The following ARHGEF1 variants were observed in gnomAD, a reference collection of about 807,000 sequenced individuals.
ARHGEF1 encodes the protein Rho guanine nucleotide exchange factor 1.
Under a neutral mutation model 119.7 loss-of-function variants are expected in ARHGEF1, and 40 were observed. The ratio of observed to expected loss-of-function variants is 0.33; its 90% CI spans 0.26 to 0.44. ARHGEF1 has a LOEUF of 0.44. Among genes scored for constraint, ARHGEF1 ranks in the 20% least tolerant of loss-of-function variants. The pLI is 1.00. For missense variants in ARHGEF1, 976 were observed against 1,268.3 expected, an observed-to-expected ratio of 0.77 and a Z score of 3.50; for synonymous variants, 494 against 521.0, an observed-to-expected ratio of 0.95 and a Z score of 0.71.
rs546618449 is a variant in ARHGEF1 at position 41,916,852 on chromosome 19, C to A, written c.1866-6240C>A. ...ACCCAAACATACGACCGACAGCGGC[C>A]CCTGCAGAGGTACACACAGACACAC... On this transcript the variant is annotated intron_variant, in intron 18 of 20. Transcript: ENST00000599589. This position sits in a 1 kb window ranked among gnomAD's most constrained non-coding sequence, Gnocchi z 5.4. 2.0e-5 allele frequency among the ~76,000 whole-genome samples: 3 copies of A among 151,968 alleles called. No individual in the cohort carries two copies. The highest frequency in any genetic ancestry group is 6.5e-5 in the Admixed American group (1 of 15,276).
chr19:41,905,042 G>A lies in ARHGEF1; in HGVS notation c.2249+6G>A, dbSNP rs1555849830. 1 of 1,614,084 alleles carries A rather than the reference G, an allele frequency of 6.2e-7. No individual in the cohort carries two copies. Among genetic ancestry groups the A allele is most frequent in the Non-Finnish European group, 8.5e-7 (1 of 1,179,922 alleles). ...ACTGTGTCGGAGCGGAAAAAGTGAG[G>A]GGGGGTCTGAGTTCTGAGTGTGGGT... On this transcript the variant is annotated splice_donor_region_variant and intron_variant, in intron 23 of 28. Coordinates refer to ENST00000354532, the MANE Select transcript of ARHGEF1 (RefSeq NM_004706.4). This position sits in a 1 kb window ranked among gnomAD's most constrained non-coding sequence, Gnocchi z 6.4.
chr19:41,898,554 A>C lies in ARHGEF1; in HGVS notation c.1234A>C (p.Lys412Gln). 6.3e-7 allele frequency: 1 copy of C among 1,578,984 alleles called. No homozygotes were observed. The highest frequency in any genetic ancestry group is 8.6e-7 in the Non-Finnish European group (1 of 1,162,802). Reference sequence around the variant, plus strand: ...CCCAGACACCCTGCACAGCCTGCCCAAGAGCCAGGTGAAGCGGCAGGAGGT... The same window carrying C: ...CCCAGACACCCTGCACAGCCTGCCCCAGAGCCAGGTGAAGCGGCAGGAGGT... ...VPPDTLHSLPKSQVKRQEVIS... is the reference protein window; with the variant it reads ...VPPDTLHSLPQSQVKRQEVIS... Residue 412 changes from lysine to glutamine, a missense_variant, in exon 14 of 29, where the codon AAG (lysine) becomes CAG (glutamine). Coordinates refer to ENST00000354532, the MANE Select transcript of ARHGEF1 (RefSeq NM_004706.4).
At chr19:41,914,324 C>T (rs1555851568) in intron 18 of ARHGEF1, among the ~76,000 whole-genome samples, 2 of 151,444 alleles carry the variant, frequency 1.3e-5, no homozygotes, top group Admixed American at 6.6e-5. Context: ...TCCGTCTCCC[C>T]CCACCATCTC....
chr19:41,899,638 T>C (rs2074567881), intron 14 of ARHGEF1, among the ~76,000 whole-genome samples: 1 of 151,162 alleles, frequency 6.6e-6, no homozygotes, highest in South Asian at 2.1e-4. Context: ...GCCTCCTGAG[T>C]AGCTGGGATT....
At chr19:41,907,886 G>A (rs894747406), downstream of ARHGEF1, 3 of 221,524 alleles carry the variant, frequency 1.4e-5, no homozygotes, top group Non-Finnish European at 2.4e-5. Context: ...CCAGCACAGG[G>A]GGTTTGGAGA....
upstream of ARHGEF1, among the ~76,000 whole-genome samples, chr19:41,919,306 AG>A (rs2074823524): frequency 6.6e-6 from 1 of 152,188 alleles, no homozygotes; most frequent in Non-Finnish European, 1.5e-5. Flanking sequence ...CTTCGGCACA[AG>A]TTCACAGAAG....
At chr19:41,908,168 A>C, downstream of ARHGEF1, 2 of 1,210,766 alleles carry the variant, frequency 1.7e-6, no homozygotes, top group Non-Finnish European at 2.1e-6. This position sits in a 1 kb window ranked among gnomAD's most constrained non-coding sequence, Gnocchi z 6.7. Context: ...CCAGGCATCA[A>C]GGGCAGACGG....
At chr19:41,901,645 G>T (rs938548230) in intron 14 of ARHGEF1, among the ~76,000 whole-genome samples, 3 of 152,056 alleles carry the variant, frequency 2.0e-5, no homozygotes, top group Admixed American at 2.0e-4. Context: ...TAGAAACAGG[G>T]TTTCACCATG....
chr19:41,884,336 C>T (rs2123334967), intron 1 of ARHGEF1: 2 of 1,348,642 alleles, frequency 1.5e-6, no homozygotes, highest in South Asian at 1.3e-5. Flanking sequence ...CCGGCAGGAG[C>T]CGGGCTAGAG....
chr19:41,888,019 C>T lies in ARHGEF1; in HGVS notation c.-19-45C>T, dbSNP rs376219500. On this transcript the variant is annotated intron_variant, in intron 1 of 28. Coordinates refer to ENST00000354532, the MANE Select transcript of ARHGEF1 (RefSeq NM_004706.4). This position sits in a 1 kb window ranked among gnomAD's most constrained non-coding sequence, Gnocchi z 5.1. ...GAATCTGTGAGTAACCACCCTGGGC[C>T]GCCTCCTCCCACCCTCCTAACCACA... The T allele has an allele frequency of 2.6e-5, 41 of 1,591,732 alleles. No homozygotes were observed. The highest frequency in any genetic ancestry group is 1.8e-4 in the South Asian group (16 of 88,598).
At position 41,892,924 on chromosome 19, in the gene ARHGEF1, C is replaced by T. The variant is rs2074400845; in HGVS notation, c.614+75C>T. On this transcript the variant is annotated intron_variant, in intron 7 of 28. Transcript: ENST00000354532. The surrounding 1 kb of genome is among the most constrained non-coding windows in gnomAD (Gnocchi z 6.3). ...CACCCGTGCTACCTCTGGCATGTTC[C>T]ATCCCGTTTGCAGGTTCCCTCTTCA... 3 of 1,431,468 alleles carry T rather than the reference C, an allele frequency of 2.1e-6. No homozygotes were observed. The highest frequency in any genetic ancestry group is 2.7e-6 in the Non-Finnish European group (3 of 1,094,946). The allele number at this position is 1,431,468 out of a possible 1,614,324, so 88.7% of individuals were successfully genotyped here.
In ARHGEF1 at chr19:41,917,512, C is replaced by G. The variant is rs1372647668; in HGVS notation, c.1866-5580C>G. Among the ~76,000 whole-genome samples, 1 of 150,668 alleles carries G rather than the reference C, an allele frequency of 6.6e-6. No individual in the cohort carries two copies. Among genetic ancestry groups the G allele is most frequent in the Non-Finnish European group, 1.5e-5 (1 of 67,706 alleles). On this transcript the variant is annotated intron_variant, in intron 18 of 20. Coordinates refer to the ARHGEF1 transcript ENST00000599589. The surrounding 1 kb of genome is among the most constrained non-coding windows in gnomAD (Gnocchi z 4.8). The stretch of plus-strand genomic sequence containing the variant: ...CCACCTCCCCTTAACACAATCTGCA[C>G]AATCGGAATGAAAATTGATTTTTTT...
chr19:41,902,948 C>G lies in ARHGEF1; in HGVS notation c.1738+50C>G. The G allele has an allele frequency of 7.1e-7, 1 of 1,404,412 alleles. No homozygotes were observed. The highest frequency in any genetic ancestry group is 2.4e-4 in the Middle Eastern group (1 of 4,198). The allele number at this position is 1,404,412 out of a possible 1,614,324, so 87.0% of individuals were successfully genotyped here. ...CCTCGGCTCTCCTCTTTTTTTTTTA[C>G]ATTTTTTTTCTCACTCATTTTCATC... On this transcript the variant is annotated intron_variant, in intron 18 of 28. Coordinates refer to ENST00000354532, the MANE Select transcript of ARHGEF1 (RefSeq NM_004706.4). The surrounding 1 kb of genome is among the most constrained non-coding windows in gnomAD (Gnocchi z 6.5).
chr19:41,884,595 C>A, intron 1 of ARHGEF1: 1 of 1,459,184 alleles, frequency 6.9e-7, no homozygotes. Context: ...GGATTTAGGG[C>A]CCGCGTAAGA....
chr19:41,901,512 G>A (rs112626314), intron 14 of ARHGEF1, among the ~76,000 whole-genome samples: 3 of 152,256 alleles, frequency 2.0e-5, no homozygotes, highest in African/African-American at 7.2e-5. Context: ...TGCCATCATA[G>A]CTCACTGCAG....
chr19:41,922,735 G>C (rs187817760), upstream of ARHGEF1, among the ~76,000 whole-genome samples: 25 of 152,282 alleles, frequency 1.6e-4, no homozygotes, highest in East Asian at 4.1e-3. Context: ...CAGCCGGGCT[G>C]GGGGGGACTC....
In ARHGEF1 at chr19:41,888,041, C is replaced by A; in HGVS notation, c.-19-23C>A. The A allele has an allele frequency of 6.2e-7, 1 of 1,610,546 alleles. No individual in the cohort carries two copies. Among genetic ancestry groups the A allele is most frequent in the East Asian group, 2.2e-5 (1 of 44,886 alleles). ...GGCCGCCTCCTCCCACCCTCCTAAC[C>A]ACAGCCCCTCCTCTTCCTCCAGCCC... On this transcript the variant is annotated intron_variant, in intron 1 of 28. Transcript: ENST00000354532. This position sits in a 1 kb window ranked among gnomAD's most constrained non-coding sequence, Gnocchi z 5.1.
chr19:41,891,592 C>T (rs1164701643), intron 4 of ARHGEF1, among the ~76,000 whole-genome samples: 4 of 152,130 alleles, frequency 2.6e-5, no homozygotes, highest in Admixed American at 6.5e-5. Context: ...CCTAGTTGTG[C>T]GACTAAGCTT....
In ARHGEF1 at chr19:41,906,312, T is replaced by G; in HGVS notation, c.2492-145T>G. The G allele has an allele frequency of 2.4e-6, 2 of 828,886 alleles. No individual in the cohort carries two copies. Among genetic ancestry groups the G allele is most frequent in the African/African-American group, 3.5e-5 (2 of 57,786 alleles). The allele number at this position is 828,886 out of a possible 1,614,324, so 51.3% of individuals were successfully genotyped here. On this transcript the variant is annotated intron_variant, in intron 26 of 28. Transcript: ENST00000354532. This position sits in a 1 kb window ranked among gnomAD's most constrained non-coding sequence, Gnocchi z 4.5. ...CCCAGCCTCACTTCTTCACCTCCCT[T>G]TGGATCCCCGAACCCCATCTGCTCA...
Sources: allele counts gnomAD v4.1 joint callset (sites outside exome capture counted in the v4.1 genomes callset), GRCh38; gene constraint gnomAD v4.1.1; non-coding constraint Gnocchi (gnomAD v3.1); transcripts MANE v1.5; gene names NCBI Gene and HGNC (gene_info 2026-07-23, HGNC 2026-07-21).